MAPK14: variants seen among roughly 807,000 people sequenced by gnomAD.
The protein encoded by MAPK14 is CSAID-binding protein.
MAPK14 carries 16 observed loss-of-function variants against 49.6 expected under a neutral mutation model. The observed-to-expected ratio is 0.32, with a 90% CI of 0.22 to 0.49. The LOEUF is 0.49. Among genes scored for constraint, MAPK14 ranks in the 20% least tolerant of loss-of-function variants. The pLI, the probability that MAPK14 is intolerant of heterozygous loss-of-function variation, is 0.99. For missense variants in MAPK14, 200 were observed against 441.2 expected (o/e 0.45, Z 4.90); for synonymous variants, 142 against 158.0 (o/e 0.90, Z 0.76).
chr6:36,122,674 CA>C, the MAPK14 span, among the ~76,000 whole-genome samples: 10 of 152,156 alleles, frequency 6.6e-5, no homozygotes, highest in East Asian at 1.3e-3. Flanking sequence ...GTAATGAGGT[CA>C]GGGGGACCTC....
intron 8 of MAPK14, among the ~76,000 whole-genome samples, chr6:36,081,796 A>C (rs368266229): frequency 1.3e-5 from 2 of 152,284 alleles, no homozygotes; most frequent in South Asian, 4.1e-4. Flanking sequence ...TAGAATTTTG[A>C]TAGGGATTGT....
chr6:36,058,131 CT>C (rs150892676), intron 2 of MAPK14, among the ~76,000 whole-genome samples: 2,658 of 151,266 alleles, frequency 0.018, 79 homozygotes, highest in African/African-American at 0.06. Context: ...TAAAAATAGA[CT>C]TTTTTTTTCA....
At chr6:36,060,824 G>A (rs1763790551) in intron 3 of MAPK14, among the ~76,000 whole-genome samples, 1 of 152,230 alleles carries the variant, frequency 6.6e-6, no homozygotes, top group African/African-American at 2.4e-5. Flanking sequence ...GTATGGCTGA[G>A]AGTAGAAGAG....
intron 8 of MAPK14, among the ~76,000 whole-genome samples, chr6:36,080,483 T>G (rs1179857653): frequency 6.6e-6 from 1 of 152,242 alleles, no homozygotes; most frequent in East Asian, 1.9e-4. Flanking sequence ...TGTTTCTGGA[T>G]TATTTCACTT....
chr6:36,101,292 T>C (rs911265461), intron 9 of MAPK14, among the ~76,000 whole-genome samples: 2 of 151,924 alleles, frequency 1.3e-5, no homozygotes, highest in African/African-American at 4.8e-5. Context: ...AATTTAAAAA[T>C]TAGGGCATGA....
At chr6:36,092,709 CAA>C in intron 8 of MAPK14, 1 of 294,448 alleles carries the variant, frequency 3.4e-6, no homozygotes, top group South Asian at 3.2e-5. Context: ...GTAGGGGTGA[CAA>C]AGGGAAGAGG....
intron 1 of MAPK14, among the ~76,000 whole-genome samples, chr6:36,034,763 CT>C (rs147404416): frequency 2.7e-5 from 4 of 150,856 alleles, no homozygotes; most frequent in East Asian, 1.9e-4. Context: ...CAGATAATTG[CT>C]TTTTTTTTGC....
At chr6:36,092,059 A>G in intron 8 of MAPK14, 1 of 485,506 alleles carries the variant, frequency 2.1e-6, no homozygotes, top group Admixed American at 2.1e-5. Context: ...ATGGGAATAG[A>G]CTTTGGCATC....
intron 8 of MAPK14, among the ~76,000 whole-genome samples, chr6:36,090,233 C>A (rs546103248): frequency 3.2e-4 from 49 of 152,276 alleles, no homozygotes; most frequent in South Asian, 6.2e-4. Flanking sequence ...TACTGTCCTG[C>A]TTGTGAGTTA....
rs1239668734 is a variant in MAPK14 at position 36,108,569 on chromosome 6, TGTGC to T, written c.*130_*133del. ...AGATTTCCTCCATGGTGGAAGGGGG[TGTGC>T]GTGCGTGTGCGTGCGTGTTAGTGTG... On this transcript the variant is annotated 3_prime_UTR_variant, in exon 12 of 12. Coordinates refer to ENST00000229794, the MANE Select transcript of MAPK14 (RefSeq NM_139012.3). The T allele has an allele frequency of 1.2e-5, 6 of 512,672 alleles. No homozygotes were observed. The highest frequency in any genetic ancestry group is 2.2e-5 in the Non-Finnish European group (6 of 269,136). 31.8% of individuals were successfully genotyped at this position (512,672 alleles called of 1,614,324 possible).
At chr6:36,096,654 C>T (rs185511278) in intron 9 of MAPK14, 5 of 152,350 alleles carry the variant, frequency 3.3e-5, no homozygotes, top group Admixed American at 1.3e-4. Context: ...GTCCCTAGAC[C>T]CCACTCAGAA....
chr6:36,072,508 T>C (rs1245173099), intron 3 of MAPK14, among the ~76,000 whole-genome samples: 1 of 151,942 alleles, frequency 6.6e-6, no homozygotes, highest in Non-Finnish European at 1.5e-5. Flanking sequence ...GGCTCACGCT[T>C]GTAATCCCAG....
the MAPK14 span, among the ~76,000 whole-genome samples, chr6:36,122,948 C>T: frequency 2.0e-5 from 3 of 152,106 alleles, no homozygotes; most frequent in African/African-American, 7.2e-5. Flanking sequence ...GTGGACGTCA[C>T]AAAGCCTGTG....
At chr6:36,041,082 A>T (rs79692993) in intron 1 of MAPK14, among the ~76,000 whole-genome samples, 82 of 152,320 alleles carry the variant, frequency 5.4e-4, no homozygotes, top group Non-Finnish European at 9.6e-4. Context: ...TCATTTAGGC[A>T]CATTATGTAT....
chr6:36,113,784 G>T (rs1766015530), downstream of MAPK14, among the ~76,000 whole-genome samples: 1 of 152,142 alleles, frequency 6.6e-6, no homozygotes, highest in Non-Finnish European at 1.5e-5. Context: ...GTGTTTAAAA[G>T]TCTATGTGAC....
intron 3 of MAPK14, among the ~76,000 whole-genome samples, chr6:36,066,344 A>G (rs909766639): frequency 6.6e-6 from 1 of 152,140 alleles, no homozygotes; most frequent in Admixed American, 6.5e-5. Context: ...TATTGTGTTA[A>G]GTTCTATGTA....
intron 10 of MAPK14, among the ~76,000 whole-genome samples, chr6:36,104,581 G>T (rs1197265522): frequency 1.3e-5 from 2 of 152,070 alleles, no homozygotes; most frequent in African/African-American, 4.8e-5. Flanking sequence ...TAAAGACGGG[G>T]TTTCACCGTG....
At chr6:36,034,373 C>G (rs776118838) in intron 1 of MAPK14, among the ~76,000 whole-genome samples, 6 of 152,180 alleles carry the variant, frequency 3.9e-5, no homozygotes, top group African/African-American at 1.4e-4. Context: ...AAAGTTGGGA[C>G]TGTCTGTACA....
chr6:36,040,436 C>T lies in MAPK14; in HGVS notation c.116+12163C>T, dbSNP rs556555337. Reference sequence around the variant, plus strand: ...AGATGGGATAACATGAACCTTCCACCTGCAAAAAGGCAGAAATGCTATACT... The same window carrying T: ...AGATGGGATAACATGAACCTTCCACTTGCAAAAAGGCAGAAATGCTATACT... On this transcript the variant is annotated intron_variant, in intron 1 of 11. Coordinates refer to ENST00000229794, the MANE Select transcript of MAPK14 (RefSeq NM_139012.3). Among the ~76,000 whole-genome samples the T allele has an allele frequency of 1.6e-4, 24 of 152,252 alleles. No homozygotes were observed. The East Asian group carries it at 4.1e-3, about 26-fold the overall frequency.
Sources: gnomAD v4.1 joint callset for allele counts (sites outside exome capture counted in the v4.1 genomes callset) on GRCh38, gnomAD v4.1.1 for gene constraint, MANE v1.5 for transcripts, NCBI Gene and HGNC (gene_info 2026-07-23, HGNC 2026-07-21) for gene names.